CCDC141: variants seen among roughly 807,000 people sequenced by gnomAD.
CCDC141 encodes coiled-coil domain containing 141.
A neutral mutation model predicts 181.0 loss-of-function variants in CCDC141; 168 were observed. The observed-to-expected ratio is 0.93, with a 90% CI of 0.82 to 1.05. CCDC141 has a LOEUF of 1.05. Among genes scored for constraint, CCDC141 ranks in the 50% least tolerant of loss-of-function variants. The probability of loss-of-function intolerance (pLI) is 0.00; values close to 1 mark genes in which losing one functional copy is unlikely to be tolerated. For synonymous variants in CCDC141, 666 were observed against 642.3 expected (o/e 1.04, Z -0.56); for missense variants, 1,902 against 1,788.5 (o/e 1.06, Z -1.14).
rs181521289 is a variant in CCDC141, at chr2:178,868,789, G to A, written c.2394+328C>T. Among the ~76,000 whole-genome samples, 465 of 152,194 alleles carry A rather than the reference G, an allele frequency of 3.1e-3. 2 individuals carry two copies. Among genetic ancestry groups the A allele is most frequent in the Non-Finnish European group, 4.8e-3 (329 of 68,002 alleles). On this transcript the variant is annotated intron_variant, in intron 15 of 23. Coordinates refer to ENST00000443758, the MANE Select transcript of CCDC141 (RefSeq NM_173648.4). Reference sequence around the variant, plus strand: ...GAGCTGTAGGATTTTTGAAGAGAGAGAAATCATTCCAAGTGAGGTAGGATT... The same window carrying A: ...GAGCTGTAGGATTTTTGAAGAGAGAAAAATCATTCCAAGTGAGGTAGGATT...
At position 178,961,445 on chromosome 2, in the gene CCDC141, G is replaced by T; in HGVS notation, c.565C>A (p.Gln189Lys). The T allele has an allele frequency of 6.5e-7, 1 of 1,550,292 alleles. No homozygotes were observed. Among genetic ancestry groups the T allele is most frequent in the South Asian group, 1.2e-5 (1 of 84,030 alleles). ...TTTTCTATGAAGTCAGTGAGTTGTT[G>T]ACTTTTGTTTAAAAGGGCTAAAGAC... The part of the protein sequence containing the change: ...ERSLALLNKS[Q>K]QLTDFIEKFK... Residue 189 changes from glutamine to lysine, a missense_variant, in exon 5 of 24, where the codon CAA becomes AAA. Coordinates refer to ENST00000443758, the MANE Select transcript of CCDC141 (RefSeq NM_173648.4).
chr2:178,910,535 C>T (rs1008105944), intron 7 of CCDC141, among the ~76,000 whole-genome samples: 3 of 152,188 alleles, frequency 2.0e-5, no homozygotes, highest in Admixed American at 6.5e-5. Flanking sequence ...GGTTCTGTTA[C>T]AAAGACCAAA....
intron 6 of CCDC141, among the ~76,000 whole-genome samples, chr2:178,924,181 C>T (rs535395806): frequency 6.6e-6 from 1 of 151,998 alleles, no homozygotes; most frequent in Non-Finnish European, 1.5e-5. Context: ...AAAGGTGGAC[C>T]AAAAAACAAT....
chr2:178,850,014 G>C, intron 21 of CCDC141, 35 bp downstream of exon 21: 1 of 1,122,828 alleles, frequency 8.9e-7, no homozygotes. Context: ...TATTTATTTT[G>C]CTTGAAAATA....
chr2:178,999,610 C>T (rs960520267), intron 2 of CCDC141, among the ~76,000 whole-genome samples: 6 of 148,426 alleles, frequency 4.0e-5, no homozygotes, highest in African/African-American at 1.2e-4. Context: ...ATCCTCAGTG[C>T]TTGATTCTTT....
intron 2 of CCDC141, among the ~76,000 whole-genome samples, chr2:179,000,876 T>C (rs145970072): frequency 1.3e-5 from 2 of 152,372 alleles, no homozygotes; most frequent in African/African-American, 4.8e-5. Context: ...AGCAATATCA[T>C]AATAGATTAA....
At chr2:178,970,391 C>A (rs907782531) in intron 4 of CCDC141, among the ~76,000 whole-genome samples, 6 of 152,192 alleles carry the variant, frequency 3.9e-5, no homozygotes, top group African/African-American at 1.2e-4. Context: ...CTACGGTAAA[C>A]AAAACAGCGT....
intron 7 of CCDC141, 27 bp downstream of exon 7, chr2:178,918,686 A>T: frequency 6.5e-7 from 1 of 1,539,588 alleles, no homozygotes; most frequent in Non-Finnish European, 8.8e-7. Context: ...TGATTACCGA[A>T]AATTATCAAC....
At chr2:178,817,579 GT>G in the CCDC141 span, 1 of 471,004 alleles carries the variant, frequency 2.1e-6, no homozygotes, top group African/African-American at 2.0e-5. Context: ...GTGACACATG[GT>G]CCTGATCTTC....
chr2:178,828,656 T>C (rs1684160752), downstream of CCDC141, among the ~76,000 whole-genome samples: 1 of 152,188 alleles, frequency 6.6e-6, no homozygotes, highest in Admixed American at 6.6e-5. Context: ...CCCTGCCAAG[T>C]AAGTGGTTTC....
At chr2:178,983,488 A>T (rs1691547804) in intron 2 of CCDC141, among the ~76,000 whole-genome samples, 1 of 151,932 alleles carries the variant, frequency 6.6e-6, no homozygotes, top group African/African-American at 2.4e-5. Flanking sequence ...GAGCTGAGAG[A>T]AGAAGGCTTC....
At chr2:178,993,125 G>C (rs1201200733) in intron 2 of CCDC141, among the ~76,000 whole-genome samples, 2 of 152,130 alleles carry the variant, frequency 1.3e-5, no homozygotes, top group Non-Finnish European at 2.9e-5. Flanking sequence ...ACACAAACCT[G>C]AACTGCAGTT....
At chr2:178,994,865 A>C (rs1692212092) in intron 2 of CCDC141, among the ~76,000 whole-genome samples, 1 of 152,190 alleles carries the variant, frequency 6.6e-6, no homozygotes, top group Non-Finnish European at 1.5e-5. Flanking sequence ...AAATGTCAGC[A>C]GTCTCTTTGC....
chr2:178,828,441 CTTAT>C (rs980844575), downstream of CCDC141, among the ~76,000 whole-genome samples: 1 of 152,120 alleles, frequency 6.6e-6, no homozygotes, highest in Admixed American at 6.5e-5. Flanking sequence ...GGGAAGCATT[CTTAT>C]TTAATCTACT....
At chr2:178,978,821 T>A (rs566948712) in intron 2 of CCDC141, 146 bp from the exon 3 acceptor site, 7 of 653,136 alleles carry the variant, frequency 1.1e-5, no homozygotes, top group Non-Finnish European at 1.7e-5. Context: ...AGAAGGTGTA[T>A]CAAACAGGAA....
intron 8 of CCDC141, among the ~76,000 whole-genome samples, chr2:178,903,744 C>T (rs1257195235): frequency 2.0e-5 from 3 of 149,962 alleles, no homozygotes; most frequent in African/African-American, 4.9e-5. Flanking sequence ...TACCCTAAAA[C>T]TTAAAGTATA....
At chr2:178,965,777 T>C (rs969899718) in intron 4 of CCDC141, among the ~76,000 whole-genome samples, 2 of 151,916 alleles carry the variant, frequency 1.3e-5, no homozygotes, top group African/African-American at 4.8e-5. Context: ...AACTCTTCAC[T>C]CCCCTGGAAA....
chr2:178,955,238 C>T (rs4894070), intron 5 of CCDC141, among the ~76,000 whole-genome samples: 148,458 of 152,162 alleles, frequency 0.98, 72,518 homozygotes, highest in Middle Eastern at 1. Context: ...TGAGCCGAGA[C>T]TGTGCCACTG....
intron 5 of CCDC141, among the ~76,000 whole-genome samples, chr2:178,954,774 G>A (rs1414552549): frequency 2.6e-5 from 4 of 151,176 alleles, no homozygotes; most frequent in African/African-American, 4.9e-5. Flanking sequence ...TGTAAAGATT[G>A]ATAGCTCCTG....
Sources: allele counts gnomAD v4.1 joint callset (sites outside exome capture counted in the v4.1 genomes callset), GRCh38; gene constraint gnomAD v4.1.1; transcripts MANE v1.5; gene names NCBI Gene and HGNC (gene_info 2026-07-23, HGNC 2026-07-21).